Variants in RASA3 observed in about 807,000 individuals in gnomAD.
RASA3 encodes RAS p21 protein activator 3.
A neutral mutation model predicts 110.0 loss-of-function variants in RASA3; 73 were observed. The ratio of observed to expected loss-of-function variants is 0.66; its 90% CI spans 0.55 to 0.81. RASA3 has a LOEUF of 0.81. RASA3 is among the 30% of genes least tolerant of loss of function. RASA3 has a pLI of 0.00. For synonymous variants in RASA3, 500 were observed against 451.4 expected (o/e 1.11, Z -1.37); for missense variants, 976 against 1,113.2 (o/e 0.88, Z 1.75).
intron 21 of RASA3, among the ~76,000 whole-genome samples, chr13:113,994,792 G>A (rs1332524356): frequency 3.3e-5 from 5 of 152,208 alleles, no homozygotes; most frequent in Non-Finnish European, 1.5e-5. Context: ...GCAACGTGGT[G>A]AAACCCCGTT....
chr13:114,059,760 G>C lies in RASA3; in HGVS notation c.174-7605C>G, dbSNP rs115860408. Among the ~76,000 whole-genome samples, 710 of 152,376 alleles carry C rather than the reference G, an allele frequency of 4.7e-3. 5 individuals carry two copies. The highest frequency in any genetic ancestry group is 0.016 in the African/African-American group (664 of 41,586). ...GGACCAAACAACGGGGAGCACTTTC[G>C]ATGTCTTTGGCCCCCGCCAGGCGTG... On this transcript the variant is annotated intron_variant, in intron 2 of 23. Transcript: ENST00000334062.
At chr13:114,062,198 T>C (rs1555337873) in intron 2 of RASA3, among the ~76,000 whole-genome samples, 1 of 150,722 alleles carries the variant, frequency 6.6e-6, no homozygotes, top group Non-Finnish European at 1.5e-5. Flanking sequence ...GTTTTTTTTT[T>C]ACTTACTTAT....
intron 7 of RASA3, among the ~76,000 whole-genome samples, chr13:114,025,091 CAAG>C (rs963318527): frequency 6.6e-6 from 1 of 152,090 alleles, no homozygotes; most frequent in Non-Finnish European, 1.5e-5. Flanking sequence ...CCTGCGTTTA[CAAG>C]AAGGGCTCCG....
At chr13:114,113,529 C>A (rs1242659908) in intron 1 of RASA3, among the ~76,000 whole-genome samples, 1 of 152,262 alleles carries the variant, frequency 6.6e-6, no homozygotes, top group African/African-American at 2.4e-5. Context: ...CCATCAGAGA[C>A]TGGCTGGCTC....
intron 12 of RASA3, among the ~76,000 whole-genome samples, chr13:114,016,614 T>C (rs1300681406): frequency 1.3e-5 from 2 of 152,326 alleles, no homozygotes; most frequent in African/African-American, 4.8e-5. Context: ...GGGAGCGATG[T>C]GCGCCCGCGA....
intron 23 of RASA3, among the ~76,000 whole-genome samples, chr13:113,980,175 GCACCTCCTCCCACGTGTGTGCAC>G (rs1428606365): frequency 2.9e-5 from 4 of 138,464 alleles, no homozygotes; most frequent in South Asian, 4.7e-4. Flanking sequence ...CCACGTGTGT[GCACCTCCTCCCACGTGTGTGCAC>G]CACCTCCTCC....
chr13:114,013,639 C>T lies in RASA3; in HGVS notation c.1406-391G>A, dbSNP rs188003312. On this transcript the variant is annotated intron_variant, in intron 14 of 23. Transcript: ENST00000334062. ...CCCTCCATCTGTCTCTCTCTCTCTCCATCTCTTTGTCTCTCTCCCTCTTTG... is the reference window on the plus strand; with the variant it reads ...CCCTCCATCTGTCTCTCTCTCTCTCTATCTCTTTGTCTCTCTCCCTCTTTG... Among the ~76,000 whole-genome samples, 4 of 108,052 alleles carry T rather than the reference C, an allele frequency of 3.7e-5. No individual in the cohort carries two copies. The East Asian group carries it at 1.3e-3, about 36-fold the overall frequency. 70.9% of individuals were successfully genotyped at this position (108,052 alleles called of 152,430 possible).
rs953431508 is a variant in RASA3, at chr13:114,014,501, G to C, written c.1405+708C>G. On this transcript the variant is annotated intron_variant, in intron 14 of 23. Coordinates refer to ENST00000334062, the MANE Select transcript of RASA3 (RefSeq NM_007368.4). This position sits in a 1 kb window ranked among gnomAD's most constrained non-coding sequence, Gnocchi z 4.5. ...CAGCTGTCCCGAGGCCACAGGACACGCAAGGAAGAGAGGAGCCGGCAGCAA... is the reference window on the plus strand; with the variant it reads ...CAGCTGTCCCGAGGCCACAGGACACCCAAGGAAGAGAGGAGCCGGCAGCAA... Among the ~76,000 whole-genome samples, 7 of 152,166 alleles carry C rather than the reference G, an allele frequency of 4.6e-5. No homozygotes were observed. The highest frequency in any genetic ancestry group is 7.3e-5 in the Non-Finnish European group (5 of 68,030).
chr13:114,132,183 G>A (rs1326618422), intron 1 of RASA3, among the ~76,000 whole-genome samples: 1 of 152,202 alleles, frequency 6.6e-6, no homozygotes, highest in Non-Finnish European at 1.5e-5. Context: ...AGGGACCGGG[G>A]CCGCTCCGGG....
chr13:114,132,538 C>T lies in RASA3; in HGVS notation c.-49G>A, dbSNP rs1005530802. The T allele has an allele frequency of 2.8e-6, 4 of 1,406,802 alleles. No individual in the cohort carries two copies. Among genetic ancestry groups the T allele is most frequent in the Non-Finnish European group, 2.8e-6 (3 of 1,076,522 alleles). 87.1% of individuals were successfully genotyped at this position (1,406,802 alleles called of 1,614,324 possible). On this transcript the variant is annotated 5_prime_UTR_variant, in exon 1 of 24. Coordinates refer to ENST00000334062, the MANE Select transcript of RASA3 (RefSeq NM_007368.4). ...CCTCGCCCCAAGCGCGCGCCGAGCCCGGGCAGCTCAGGCCGAGCAGGAGGA... is the reference window on the plus strand; with the variant it reads ...CCTCGCCCCAAGCGCGCGCCGAGCCTGGGCAGCTCAGGCCGAGCAGGAGGA...
intron 8 of RASA3, 88 bp downstream of exon 8, chr13:114,024,191 G>A (rs1342710593): frequency 2.4e-6 from 3 of 1,226,500 alleles, no homozygotes; most frequent in Non-Finnish European, 3.6e-6. Flanking sequence ...TTCTATCTAT[G>A]ACCCTATATT....
rs1320321975 is a variant in RASA3, at chr13:114,034,578, C to T, written c.373-4691G>A. On this transcript the variant is annotated intron_variant, in intron 4 of 23. Coordinates refer to ENST00000334062, the MANE Select transcript of RASA3 (RefSeq NM_007368.4). ...CCTGACCAGCTGACTTGTGTGCTTT[C>T]GTCTTCTGCTGATTCAGGAGTGGGA... 4.6e-5 allele frequency among the ~76,000 whole-genome samples: 7 copies of T among 152,368 alleles called. No individual in the cohort carries two copies. The East Asian group carries it at 9.6e-4, about 21-fold the overall frequency.
At chr13:114,046,123 G>A (rs1033460944) in intron 3 of RASA3, among the ~76,000 whole-genome samples, 4 of 152,192 alleles carry the variant, frequency 2.6e-5, no homozygotes, top group Admixed American at 2.0e-4. Flanking sequence ...AGAAAAACAA[G>A]TTTAAGAACA....
At chr13:114,012,122 G>A (rs1038295081) in intron 15 of RASA3, among the ~76,000 whole-genome samples, 18 of 152,102 alleles carry the variant, frequency 1.2e-4, no homozygotes, top group Middle Eastern at 6.8e-3. Context: ...CGGATGATAC[G>A]CCGATCATCA....
In RASA3 at chr13:114,052,115, T is replaced by G; in HGVS notation, c.214A>C (p.Ser72Arg). The change falls in exon 3 of 24, where the codon AGC (serine) becomes CGC (arginine). Residue 72 changes from serine to arginine, a missense_variant. This residue lies in a region of RASA3 where 732 missense variants were observed against 779.7 expected (regional missense o/e 0.94). Transcript: ENST00000334062. ...GEDFYCEIPR[S>R]FRHLSFYIFD... The stretch of plus-strand genomic sequence containing the variant: ...ATGTAGAAGGACAGGTGACGAAAGC[T>G]CCGAGGAATTTCACAGTAAAAGTCT... 6.2e-7 allele frequency: 1 copy of G among 1,613,468 alleles called. No homozygotes were observed. The highest frequency in any genetic ancestry group is 8.5e-7 in the Non-Finnish European group (1 of 1,179,766).
At chr13:114,090,793 C>T (rs4883649) in intron 1 of RASA3, among the ~76,000 whole-genome samples, 1 of 152,150 alleles carries the variant, frequency 6.6e-6, no homozygotes, top group Admixed American at 6.5e-5. Context: ...ACAAAAAGAA[C>T]GCCAGTTCCC....
In RASA3 at chr13:113,999,687, T is replaced by G; in HGVS notation, c.1850-20A>C. 6.2e-7 allele frequency: 1 copy of G among 1,600,670 alleles called. No homozygotes were observed. The highest frequency in any genetic ancestry group is 8.5e-7 in the Non-Finnish European group (1 of 1,171,942). ...GGTCCCCTGCAGCAGAGATGGACTG[T>G]CAGTGGGTGCGGGCCCCGCTGTCCC... On this transcript the variant is annotated intron_variant, in intron 19 of 23. Transcript: ENST00000334062.
At chr13:113,982,845 A>C (rs1024282802) in intron 22 of RASA3, among the ~76,000 whole-genome samples, 1 of 152,230 alleles carries the variant, frequency 6.6e-6, no homozygotes, top group Non-Finnish European at 1.5e-5. Flanking sequence ...GTGAGGACAC[A>C]ATGAGACACT....
intron 2 of RASA3, among the ~76,000 whole-genome samples, chr13:114,069,347 C>CT (rs1360281872): frequency 6.6e-6 from 1 of 150,850 alleles, no homozygotes; most frequent in Non-Finnish European, 1.5e-5. Context: ...CAGACGTGGG[C>CT]TTTTTTCTTT....
Sources: gnomAD v4.1 joint callset for allele counts (sites outside exome capture counted in the v4.1 genomes callset) on GRCh38, gnomAD v4.1.1 for gene constraint, gnomAD v4.1.1 regional missense constraint, Gnocchi (gnomAD v3.1) non-coding constraint, MANE v1.5 for transcripts, NCBI Gene and HGNC (gene_info 2026-07-23, HGNC 2026-07-21) for gene names.